Variants in THEMIS observed in about 807,000 individuals in gnomAD.
THEMIS encodes the protein protein THEMIS.
THEMIS carries 37 observed loss-of-function variants against 52.6 expected under a neutral mutation model. The observed-to-expected ratio is 0.70, with a 90% CI of 0.54 to 0.93. The LOEUF (loss-of-function observed/expected upper bound fraction) is 0.93. Among genes scored for constraint, THEMIS ranks in the 40% least tolerant of loss-of-function variants. The probability of loss-of-function intolerance (pLI) is 0.00; values close to 1 mark genes in which losing one functional copy is unlikely to be tolerated. For missense variants in THEMIS, 808 were observed against 763.1 expected (o/e 1.06, Z -0.69); for synonymous variants, 292 against 272.7 (o/e 1.07, Z -0.70).
intron 1 of THEMIS, among the ~76,000 whole-genome samples, chr6:127,860,579 C>T (rs936589408): frequency 6.6e-6 from 1 of 152,038 alleles, no homozygotes; most frequent in Non-Finnish European, 1.5e-5. Flanking sequence ...ATGCAAAAGA[C>T]TGTAGGAAAT....
rs562099825 is a variant in THEMIS at position 127,728,359 on chromosome 6, A to G, written c.1759-8536T>C. 1.6e-4 allele frequency among the ~76,000 whole-genome samples: 24 copies of G among 152,280 alleles called. No individual in the cohort carries two copies. The South Asian group carries it at 4.8e-3, about 30-fold the overall frequency. On this transcript the variant is annotated intron_variant, in intron 4 of 5. Coordinates refer to ENST00000368248, the MANE Select transcript of THEMIS (RefSeq NM_001010923.3). ...CACGTTGTAATAAATCAAACAGTGC[A>G]GAAGAGTTAGAAGGGAAAGCAAAAG...
intron 1 of THEMIS, among the ~76,000 whole-genome samples, chr6:127,892,038 T>C (rs1472964770): frequency 6.6e-6 from 1 of 152,158 alleles, no homozygotes; most frequent in Non-Finnish European, 1.5e-5. Context: ...AAATCATTTC[T>C]TCAGAGTGGC....
chr6:127,726,521 T>C (rs568850255), intron 4 of THEMIS, among the ~76,000 whole-genome samples: 152 of 152,284 alleles, frequency 1.0e-3, no homozygotes, highest in African/African-American at 3.2e-3. Context: ...TCAAGATATG[T>C]TTCAAGAATA....
In THEMIS at chr6:127,775,065, C is replaced by T. The variant is rs1583262047; in HGVS notation, c.1758+37818G>A. Among the ~76,000 whole-genome samples the T allele has an allele frequency of 1.1e-4, 16 of 152,262 alleles. No individual in the cohort carries two copies. In the South Asian group the frequency reaches 3.3e-3, roughly 32 times the overall value. ...CTGAGATCCAGTAGGAACAAGCTAC[C>T]TACCATTTCACCTGGCTCAGGAGGC... On this transcript the variant is annotated intron_variant, in intron 4 of 5. Transcript: ENST00000368248.
At chr6:127,878,129 T>G (rs1185619489) in intron 1 of THEMIS, among the ~76,000 whole-genome samples, 1 of 152,192 alleles carries the variant, frequency 6.6e-6, no homozygotes, top group Non-Finnish European at 1.5e-5. Context: ...GTAAGGCTGC[T>G]TCATGGGTGA....
chr6:127,703,172 C>G (rs1447597909), downstream of THEMIS, among the ~76,000 whole-genome samples: 4 of 148,580 alleles, frequency 2.7e-5, no homozygotes, highest in Admixed American at 6.7e-5. Context: ...CTCAGCCTCT[C>G]GAGTAGCTGG....
At chr6:127,844,570 G>T (rs2114705963) in intron 2 of THEMIS, among the ~76,000 whole-genome samples, 1 of 151,508 alleles carries the variant, frequency 6.6e-6, no homozygotes, top group African/African-American at 2.4e-5. Context: ...TGGAGAAAAT[G>T]TGAACTTGCT....
intron 2 of THEMIS, among the ~76,000 whole-genome samples, chr6:127,844,604 G>C (rs1440013535): frequency 1.3e-5 from 2 of 151,652 alleles, no homozygotes; most frequent in Admixed American, 1.3e-4. Context: ...AAAAATCTAT[G>C]TTCTTCATAA....
intron 2 of THEMIS, among the ~76,000 whole-genome samples, chr6:127,848,619 A>C (rs1387342113): frequency 1.3e-5 from 2 of 152,150 alleles, no homozygotes; most frequent in African/African-American, 4.8e-5. Context: ...TCGCCATTCT[A>C]ACTGGTGTGA....
At chr6:127,780,886 C>T (rs1467995310) in intron 4 of THEMIS, among the ~76,000 whole-genome samples, 1 of 151,994 alleles carries the variant, frequency 6.6e-6, no homozygotes, top group African/African-American at 2.4e-5. Context: ...TTGCTCTTCT[C>T]GAGGAGTGTC....
chr6:127,878,566 T>C (rs1470969827), intron 1 of THEMIS, among the ~76,000 whole-genome samples: 2 of 152,204 alleles, frequency 1.3e-5, no homozygotes, highest in Non-Finnish European at 2.9e-5. Context: ...TTTCAAGAAC[T>C]GAAGGCTATG....
chr6:127,844,343 T>A (rs1779145572), intron 2 of THEMIS, among the ~76,000 whole-genome samples: 1 of 151,950 alleles, frequency 6.6e-6, no homozygotes, highest in Non-Finnish European at 1.5e-5. Context: ...TTCATTTGAG[T>A]GTGTGTTATG....
the THEMIS span, among the ~76,000 whole-genome samples, chr6:127,702,517 A>C: frequency 2.0e-5 from 3 of 152,054 alleles, no homozygotes; most frequent in Non-Finnish European, 4.4e-5. Flanking sequence ...AGTGTTTTTT[A>C]ACACCTCTTT....
chr6:127,837,215 C>T (rs1351966041), intron 2 of THEMIS, among the ~76,000 whole-genome samples: 3 of 151,874 alleles, frequency 2.0e-5, no homozygotes, highest in Non-Finnish European at 4.4e-5. Flanking sequence ...TCATCAAAAA[C>T]TAAGAATAAT....
chr6:127,912,282 T>C (rs1280329739), intron 1 of THEMIS, among the ~76,000 whole-genome samples: 1 of 152,208 alleles, frequency 6.6e-6, no homozygotes, highest in Non-Finnish European at 1.5e-5. Flanking sequence ...ACCCCCATAG[T>C]ACCTAGGAAG....
intron 4 of THEMIS, among the ~76,000 whole-genome samples, chr6:127,779,023 C>T (rs529892318): frequency 4.6e-5 from 7 of 152,046 alleles, no homozygotes; most frequent in African/African-American, 1.7e-4. Flanking sequence ...GTTGTTACAA[C>T]ATTATCTCTC....
At chr6:127,822,194 A>C (rs189519147) in intron 3 of THEMIS, among the ~76,000 whole-genome samples, 1 of 152,186 alleles carries the variant, frequency 6.6e-6, no homozygotes, top group East Asian at 1.9e-4. Context: ...ATTATAGGGC[A>C]GTTATTAGAT....
At chr6:127,711,553 A>G (rs1773983366) in intron 5 of THEMIS, among the ~76,000 whole-genome samples, 1 of 151,792 alleles carries the variant, frequency 6.6e-6, no homozygotes, top group African/African-American at 2.4e-5. Flanking sequence ...ACTCTCCTAG[A>G]TTTCCTTCCC....
intron 4 of THEMIS, among the ~76,000 whole-genome samples, chr6:127,736,661 T>C (rs1252342692): frequency 1.3e-5 from 2 of 151,690 alleles, no homozygotes; most frequent in African/African-American, 4.8e-5. Context: ...CAAATTGGAG[T>C]CTAGGCTAAA....
Sources: allele counts gnomAD v4.1 joint callset (sites outside exome capture counted in the v4.1 genomes callset), GRCh38; gene constraint gnomAD v4.1.1; transcripts MANE v1.5; gene names NCBI Gene and HGNC (gene_info 2026-07-23, HGNC 2026-07-21).